The following NCKAP1 variants were observed in gnomAD, a reference collection of about 807,000 sequenced individuals.
The protein encoded by NCKAP1 is NCK associated protein 1, also known as nck-associated protein 1.
Under a neutral mutation model 151.2 loss-of-function variants are expected in NCKAP1, and 21 were observed. The ratio of observed to expected loss-of-function variants is 0.14; its 90% CI spans 0.10 to 0.20. The LOEUF (loss-of-function observed/expected upper bound fraction) is 0.20, where lower values mean the gene tolerates loss of function less well. NCKAP1 is among the 10% of genes least tolerant of loss of function. The probability of loss-of-function intolerance (pLI) is 1.00; values close to 1 mark genes in which losing one functional copy is unlikely to be tolerated. For missense variants in NCKAP1, 933 were observed against 1,352.1 expected (o/e 0.69, Z 4.86); for synonymous variants, 484 against 451.8 (o/e 1.07, Z -0.90).
chr2:183,028,856 G>A lies in NCKAP1; in HGVS notation c.109-4940C>T, dbSNP rs1222554635. On this transcript the variant is annotated intron_variant, in intron 1 of 30. Transcript: ENST00000361354. ...AGGCTGGGCTCAGTGGCTCACGCCT[G>A]TAATCCCAGCACTTTGGGAGGCCGA... 3.3e-5 allele frequency among the ~76,000 whole-genome samples: 5 copies of A among 151,976 alleles called. No individual in the cohort carries two copies. The East Asian group carries it at 7.7e-4, about 23-fold the overall frequency.
At chr2:182,932,262 C>T (rs956989094) in intron 26 of NCKAP1, among the ~76,000 whole-genome samples, 5 of 151,636 alleles carry the variant, frequency 3.3e-5, no homozygotes, top group African/African-American at 1.2e-4. Flanking sequence ...TGTTGTATAC[C>T]CATACAATGA....
chr2:182,934,587 T>G, intron 26 of NCKAP1, 165 bp downstream of exon 26: 1 of 511,832 alleles, frequency 2.0e-6, no homozygotes, highest in Non-Finnish European at 3.4e-6. Context: ...GGTAGTATTT[T>G]GGTGCTGAGC....
At chr2:182,964,974 C>T (rs1367188093) in intron 16 of NCKAP1, among the ~76,000 whole-genome samples, 166 bp from the exon 17 acceptor site, 3 of 151,830 alleles carry the variant, frequency 2.0e-5, no homozygotes, top group African/African-American at 7.3e-5. Context: ...AATAATTATC[C>T]CAGAGTAATA....
intron 24 of NCKAP1, among the ~76,000 whole-genome samples, chr2:182,939,608 C>G (rs887425307): frequency 1.3e-5 from 2 of 152,022 alleles, no homozygotes; most frequent in African/African-American, 2.4e-5. Context: ...TTCAGACCTA[C>G]TTTTAATTAA....
At position 182,925,700 on chromosome 2, in the gene NCKAP1, T is replaced by C. The variant is rs746081831; in HGVS notation, c.*2A>G. The stretch of plus-strand genomic sequence containing the variant: ...GTGCTTATCTTGATTAAGTAGGTAA[T>C]TTTATGCAGAAGATGTAACACTTTG... On this transcript the variant is annotated 3_prime_UTR_variant, in exon 31 of 31. Transcript: ENST00000361354. The C allele has an allele frequency of 1.3e-6, 2 of 1,523,402 alleles. No individual in the cohort carries two copies. Among genetic ancestry groups the C allele is most frequent in the South Asian group, 1.3e-5 (1 of 78,384 alleles). 94.4% of individuals were successfully genotyped at this position (1,523,402 alleles called of 1,614,324 possible).
At chr2:183,023,243 T>C (rs1171385066) in intron 2 of NCKAP1, among the ~76,000 whole-genome samples, 2 of 152,128 alleles carry the variant, frequency 1.3e-5, no homozygotes, top group Admixed American at 1.3e-4. Flanking sequence ...ATCAGGAAGA[T>C]TCTGAACATG....
intron 18 of NCKAP1, among the ~76,000 whole-genome samples, chr2:182,959,982 T>C (rs1006578054): frequency 8.5e-5 from 13 of 152,286 alleles, no homozygotes; most frequent in East Asian, 1.9e-4. Context: ...CCATTCACAA[T>C]TGCTTCAAAG....
In NCKAP1 at chr2:182,981,277, G is replaced by A. The variant is rs1697932169; in HGVS notation, c.1308C>T (p.Gly436=). 1.2e-6 allele frequency: 2 copies of A among 1,613,674 alleles called. No individual in the cohort carries two copies. The highest frequency in any genetic ancestry group is 3.3e-5 in the Admixed American group (2 of 59,986). The change falls in exon 13 of 31, where the codon GGC becomes GGT. Residue 436 remains glycine (G), a synonymous_variant. Coordinates refer to ENST00000361354, the MANE Select transcript of NCKAP1 (RefSeq NM_013436.5). ...MQRYYVQYLS[G]FDAVVLNELV... ...GTTCATTGAGGACAACAGCATCAAA[G>A]CCAGAAAGGTACTGCACGTAATACC...
At position 183,023,304 on chromosome 2, in the gene NCKAP1, G is replaced by A. The variant is rs548948595; in HGVS notation, c.219+502C>T. 1.8e-4 allele frequency among the ~76,000 whole-genome samples: 27 copies of A among 152,094 alleles called. No individual in the cohort carries two copies. In the South Asian group the frequency reaches 5.6e-3, roughly 32 times the overall value. On this transcript the variant is annotated intron_variant, in intron 2 of 30. Coordinates refer to ENST00000361354, the MANE Select transcript of NCKAP1 (RefSeq NM_013436.5). ...AACTTTCCCATATGAAAAGTAATAT[G>A]GAGATAATAAAGACCCTAACACAAT...
In NCKAP1 at chr2:182,917,853, T is replaced by C. The variant is rs1302066868; in HGVS notation, c.*7849A>G. The C allele has an allele frequency of 6.6e-6, 1 of 152,190 alleles. No individual in the cohort carries two copies. Among genetic ancestry groups the C allele is most frequent in the Admixed American group, 6.5e-5 (1 of 15,278 alleles). The allele number at this position is 152,190 out of a possible 1,614,324, so 9.4% of individuals were successfully genotyped here. On this transcript the variant is annotated 3_prime_UTR_variant, in exon 31 of 31. Coordinates refer to ENST00000361354, the MANE Select transcript of NCKAP1 (RefSeq NM_013436.5). ...GATAAGACAGCCTAGGAAAGAAATCTGATTTACTAGAGATTAATCTGAGCA... is the reference window on the plus strand; with the variant it reads ...GATAAGACAGCCTAGGAAAGAAATCCGATTTACTAGAGATTAATCTGAGCA...
At chr2:182,988,259 T>A (rs1698097121) in intron 9 of NCKAP1, among the ~76,000 whole-genome samples, 1 of 152,210 alleles carries the variant, frequency 6.6e-6, no homozygotes, top group South Asian at 2.1e-4. Flanking sequence ...TATCTAGAAG[T>A]TTTATTTCAT....
At chr2:182,936,116 G>A (rs954639878) in intron 24 of NCKAP1, among the ~76,000 whole-genome samples, 5 of 151,882 alleles carry the variant, frequency 3.3e-5, no homozygotes, top group African/African-American at 7.3e-5. Context: ...AAAATCAATC[G>A]GGTGTGGGGG....
rs774908797 is a variant in NCKAP1, at chr2:182,994,841, A to G, written c.788T>C (p.Ile263Thr). The G allele has an allele frequency of 1.9e-6, 3 of 1,604,250 alleles. No homozygotes were observed. Among genetic ancestry groups the G allele is most frequent in the Admixed American group, 1.7e-5 (1 of 59,966 alleles). The change falls in exon 8 of 31, where the codon ATC becomes ACC. Residue 263 changes from isoleucine (I) to threonine (T), a missense_variant and splice_region_variant. Physicochemically the swap from Ile to Thr is moderately conservative, Grantham distance 89. This residue lies in a region of NCKAP1 where 607 missense variants were observed against 795.0 expected (regional missense o/e 0.76). Transcript: ENST00000361354. ...LSLDAMEKWI[I>T]FGFILCHGIL... The stretch of plus-strand genomic sequence containing the variant: ...TAACACTAACCCATTTTACTTACAG[A>G]TAATCCACTTTTCCATTGCATCCAA...
At position 182,909,424 on chromosome 2, in the gene NCKAP1, C is replaced by T. The variant is rs1195548758; in HGVS notation, c.*16278G>A. Reference sequence around the variant, plus strand: ...CTATCAATTTGACTATTTTAGGTACCTAATATAAGAGGAATTATACAATAT... The same window carrying T: ...CTATCAATTTGACTATTTTAGGTACTTAATATAAGAGGAATTATACAATAT... On this transcript the variant is annotated 3_prime_UTR_variant, in exon 31 of 31. Transcript: ENST00000361354. 2 of 152,102 alleles carry T rather than the reference C, an allele frequency of 1.3e-5. No individual in the cohort carries two copies. Among genetic ancestry groups the T allele is most frequent in the African/African-American group, 4.8e-5 (2 of 41,410 alleles). The allele number at this position is 152,102 out of a possible 1,614,324, so 9.4% of individuals were successfully genotyped here. A position where few individuals can be genotyped will look rare whatever the true frequency, so the allele number is the denominator to read the frequency against.
chr2:183,009,308 G>C (rs1299814144), intron 2 of NCKAP1, among the ~76,000 whole-genome samples: 5 of 149,910 alleles, frequency 3.3e-5, no homozygotes, highest in Admixed American at 3.3e-4. Context: ...CTGGGAGGTG[G>C]AGGCTGCAGT....
chr2:182,934,547 A>G, intron 26 of NCKAP1: 1 of 445,960 alleles, frequency 2.2e-6, no homozygotes, highest in Admixed American at 4.2e-5. Flanking sequence ...GCTATAGGTG[A>G]TCAAAGAAGA....
In NCKAP1 at chr2:182,941,771, T is replaced by A. The variant is rs561153613; in HGVS notation, c.2695+299A>T. Among the ~76,000 whole-genome samples the A allele has an allele frequency of 2.8e-4, 43 of 152,314 alleles. 1 individual carries two copies. Among genetic ancestry groups the A allele is most frequent in the Non-Finnish European group, 5.1e-4 (35 of 68,006 alleles). ...CAGAAGCTAATCCTTTTAGTCTAAATTAATGTAGATTTACTGTATTAAATT... is the reference window on the plus strand; with the variant it reads ...CAGAAGCTAATCCTTTTAGTCTAAAATAATGTAGATTTACTGTATTAAATT... On this transcript the variant is annotated intron_variant, in intron 24 of 30. Transcript: ENST00000361354.
chr2:182,939,766 C>T (rs1696957527), intron 24 of NCKAP1, among the ~76,000 whole-genome samples: 1 of 152,010 alleles, frequency 6.6e-6, no homozygotes, highest in Admixed American at 6.6e-5. Flanking sequence ...AGTTCAATTG[C>T]TGAAAAAATA....
intron 2 of NCKAP1, among the ~76,000 whole-genome samples, chr2:183,016,747 A>G (rs1698695835): frequency 1.3e-5 from 2 of 152,172 alleles, no homozygotes; most frequent in African/African-American, 4.8e-5. Flanking sequence ...TACCACAGAG[A>G]AAGTGATTGT....
Sources: allele counts gnomAD v4.1 joint callset (sites outside exome capture counted in the v4.1 genomes callset), GRCh38; gene constraint gnomAD v4.1.1; regional missense constraint gnomAD v4.1.1; transcripts MANE v1.5; gene names NCBI Gene and HGNC (gene_info 2026-07-23, HGNC 2026-07-21).